PNLIPRP3: variants seen among roughly 807,000 people sequenced by gnomAD.
PNLIPRP3 encodes the protein pancreatic lipase related protein 3, also known as pancreatic lipase-related protein 3.
PNLIPRP3 carries 58 observed loss-of-function variants against 52.8 expected under a neutral mutation model. The observed-to-expected ratio is 1.10, with a 90% CI of 0.89 to 1.37. PNLIPRP3 has a LOEUF of 1.37. Among genes scored for constraint, PNLIPRP3 ranks in the 40% most tolerant of loss-of-function variants. The pLI is 0.00. For synonymous variants in PNLIPRP3, 192 were observed against 185.0 expected, an observed-to-expected ratio of 1.04 and a Z score of -0.31; for missense variants, 593 against 561.6, an observed-to-expected ratio of 1.06 and a Z score of -0.57.
chr10:116,477,019 G>A (rs1480678849), intron 11 of PNLIPRP3, 71 bp from the exon 12 acceptor site: 8 of 1,316,956 alleles, frequency 6.1e-6, no homozygotes, highest in Non-Finnish European at 8.5e-6. Flanking sequence ...TTAAATCGGG[G>A]GATCTACCGT....
rs569719835 is a variant in PNLIPRP3, at chr10:116,467,581, T to C, written c.927+1413T>C. 2.0e-5 allele frequency among the ~76,000 whole-genome samples: 3 copies of C among 152,218 alleles called. No homozygotes were observed. In the East Asian group the frequency reaches 5.8e-4, roughly 29 times the overall value. On this transcript the variant is annotated intron_variant, in intron 8 of 11. Transcript: ENST00000369230. ...GATTTTTAAAACATACAAATAAAAT[T>C]AAAGAAGCAAACGACCTTATATTCC...
intron 7 of PNLIPRP3, among the ~76,000 whole-genome samples, chr10:116,463,321 T>C (rs973354429): frequency 8.5e-5 from 13 of 152,100 alleles, no homozygotes; most frequent in African/African-American, 2.2e-4. Flanking sequence ...CTGCATCCAG[T>C]TGGGGGCTGA....
intron 2 of PNLIPRP3, 39 bp from the exon 3 acceptor site, chr10:116,443,016 A>T: frequency 7.0e-7 from 1 of 1,429,028 alleles, no homozygotes; most frequent in African/African-American, 1.4e-5. Flanking sequence ...AATAATTTTT[A>T]ATTATTATTT....
chr10:116,427,934 C>G lies in PNLIPRP3; in HGVS notation c.-79C>G, dbSNP rs975272051. ...AGTTGCATCATTGTGAGGAAAACCA[C>G]TTAGTATTTTATAGTGAGGTGACTT... is the stretch of plus-strand genomic sequence containing the variant. On this transcript the variant is annotated 5_prime_UTR_variant, in exon 1 of 12. Transcript: ENST00000369230. The G allele has an allele frequency of 8.3e-6, 9 of 1,081,456 alleles. No individual in the cohort carries two copies. The highest frequency in any genetic ancestry group is 1.3e-5 in the Non-Finnish European group (9 of 704,736). The allele number at this position is 1,081,456 out of a possible 1,614,324, so 67.0% of individuals were successfully genotyped here. A position where few individuals can be genotyped will look rare whatever the true frequency, so the allele number is the denominator to read the frequency against.
chr10:116,470,039 A>T (rs1846342286), intron 9 of PNLIPRP3, among the ~76,000 whole-genome samples: 1 of 151,750 alleles, frequency 6.6e-6, no homozygotes, highest in Non-Finnish European at 1.5e-5. Flanking sequence ...AAATGGACCT[A>T]GGTGAATGGA....
intron 1 of PNLIPRP3, among the ~76,000 whole-genome samples, chr10:116,432,515 T>TAATAAA (rs1265642677): frequency 6.6e-6 from 1 of 152,088 alleles, no homozygotes; most frequent in Non-Finnish European, 1.5e-5. Context: ...AGCATTTAAG[T>TAATAAA]AATAAAAATA....
Position 116,427,899 on chromosome 10 carries a change from T to C in PNLIPRP3, c.-114T>C, listed in dbSNP as rs1388863435. ...TAACATGTTCTTTTAAACGTAGAGT[T>C]TAAACATTGAGTTGCATCATTGTGA... On this transcript the variant is annotated 5_prime_UTR_variant, in exon 1 of 12. Transcript: ENST00000369230. 3.8e-6 allele frequency: 3 copies of C among 791,526 alleles called. No individual in the cohort carries two copies. The East Asian group carries it at 7.6e-5, about 20-fold the overall frequency. 49.0% of individuals were successfully genotyped at this position (791,526 alleles called of 1,614,324 possible). A position where few individuals can be genotyped will look rare whatever the true frequency, so the allele number is the denominator to read the frequency against.
intron 1 of PNLIPRP3, among the ~76,000 whole-genome samples, chr10:116,428,896 G>T (rs990507032): frequency 1.3e-5 from 2 of 152,068 alleles, no homozygotes; most frequent in African/African-American, 2.4e-5. Flanking sequence ...TTCAACCACC[G>T]GTTTGAATTC....
rs757017289 is a variant in PNLIPRP3, at chr10:116,466,094, T to C, written c.853T>C (p.Phe285Leu). ...FDCNHARSYQ[F>L]YAESILNPDA... Reference sequence around the variant, plus strand: ...CTGTAACCATGCCCGAAGTTATCAATTTTATGCTGAAAGCATTCTTAATCC... The same window carrying C: ...CTGTAACCATGCCCGAAGTTATCAACTTTATGCTGAAAGCATTCTTAATCC... The change falls in exon 8 of 12, where the codon TTT becomes CTT. Residue 285 changes from phenylalanine to leucine, a missense_variant. Physicochemically the swap from Phe to Leu is conservative, Grantham distance 22. Coordinates refer to ENST00000369230, the MANE Select transcript of PNLIPRP3 (RefSeq NM_001011709.3). 3.7e-6 allele frequency: 6 copies of C among 1,613,924 alleles called. No individual in the cohort carries two copies. In the South Asian group the frequency reaches 6.6e-5, roughly 18 times the overall value.
chr10:116,461,178 C>G lies in PNLIPRP3; in HGVS notation c.696C>G (p.Thr232=). ...ARILFELGVG[T]IDACGHLDFY... ...TTTTATTTATTTCAGGTGTTGGAAC[C>G]ATTGATGCTTGTGGTCATCTTGACT... The change falls in exon 7 of 12, where the codon ACC becomes ACG. Residue 232 remains threonine (T), a synonymous_variant. Transcript: ENST00000369230. 1 of 1,614,142 alleles carries G rather than the reference C, an allele frequency of 6.2e-7. No homozygotes were observed. The highest frequency in any genetic ancestry group is 8.5e-7 in the Non-Finnish European group (1 of 1,180,022).
intron 2 of PNLIPRP3, among the ~76,000 whole-genome samples, chr10:116,438,062 A>G (rs1845802896): frequency 6.6e-6 from 1 of 152,186 alleles, no homozygotes; most frequent in South Asian, 2.1e-4. Context: ...AATGATTGGG[A>G]AAATGATAAC....
At chr10:116,463,612 C>A (rs1846231745) in intron 7 of PNLIPRP3, among the ~76,000 whole-genome samples, 1 of 152,198 alleles carries the variant, frequency 6.6e-6, no homozygotes. Context: ...TGTAATGGGG[C>A]AGGGGTATTT....
At position 116,461,090 on chromosome 10, in the gene PNLIPRP3, G is replaced by A. The variant is rs1430643348; in HGVS notation, c.685+5G>A. The stretch of plus-strand genomic sequence containing the variant: ...CTCGCATCCTCTTTGAGCTTGGTAA[G>A]TTTTAACAGAATCAGAAACTTCATT... On this transcript the variant is annotated splice_donor_5th_base_variant and intron_variant, in intron 6 of 11. Coordinates refer to ENST00000369230, the MANE Select transcript of PNLIPRP3 (RefSeq NM_001011709.3). 6.2e-7 allele frequency: 1 copy of A among 1,614,118 alleles called. No homozygotes were observed. Among genetic ancestry groups the A allele is most frequent in the Non-Finnish European group, 8.5e-7 (1 of 1,180,016 alleles).
At position 116,434,337 on chromosome 10, in the gene PNLIPRP3, C is replaced by T. The variant is rs1403338436; in HGVS notation, c.50-2374C>T. On this transcript the variant is annotated intron_variant, in intron 1 of 11. Coordinates refer to ENST00000369230, the MANE Select transcript of PNLIPRP3 (RefSeq NM_001011709.3). ...TCCATTACAGATATTATTACAAATTCTCTATAAACATTTTTAATGGCTGCA... is the reference window on the plus strand; with the variant it reads ...TCCATTACAGATATTATTACAAATTTTCTATAAACATTTTTAATGGCTGCA... 2.6e-5 allele frequency among the ~76,000 whole-genome samples: 4 copies of T among 152,192 alleles called. No individual in the cohort carries two copies. The East Asian group carries it at 7.7e-4, about 29-fold the overall frequency.
At chr10:116,464,432 A>G (rs1437721376) in intron 7 of PNLIPRP3, among the ~76,000 whole-genome samples, 2 of 152,096 alleles carry the variant, frequency 1.3e-5, no homozygotes, top group Non-Finnish European at 2.9e-5. Flanking sequence ...TGGGCTCACC[A>G]CTGGACTTAT....
intron 4 of PNLIPRP3, among the ~76,000 whole-genome samples, chr10:116,445,525 G>C (rs1432764252): frequency 6.8e-6 from 1 of 147,866 alleles, no homozygotes; most frequent in African/African-American, 2.5e-5. Context: ...TCTTTGAAAG[G>C]ATGAAATCAG....
chr10:116,428,200 G>T, intron 1 of PNLIPRP3, 139 bp downstream of exon 1: 3 of 619,030 alleles, frequency 4.8e-6, no homozygotes, highest in Non-Finnish European at 8.3e-6. Flanking sequence ...TTATGAATAT[G>T]TTTAAAATAT....
Position 116,466,148 on chromosome 10 carries a change from T to C in PNLIPRP3, c.907T>C (p.Ser303Pro). The change falls in exon 8 of 12, where the codon TCC becomes CCC. Residue 303 changes from serine (S) to proline (P), a missense_variant. Ser to Pro is a moderately conservative substitution (Grantham distance 74). Coordinates refer to ENST00000369230, the MANE Select transcript of PNLIPRP3 (RefSeq NM_001011709.3). ...TGCATTTATTGCTTATCCTTGTAGATCCTACACATCTTTTAAAGCAGTAAG... is the reference window on the plus strand; with the variant it reads ...TGCATTTATTGCTTATCCTTGTAGACCCTACACATCTTTTAAAGCAGTAAG... The part of the protein sequence containing the change: ...PDAFIAYPCR[S>P]YTSFKAGNCF... 6.2e-7 allele frequency: 1 copy of C among 1,604,122 alleles called. No individual in the cohort carries two copies. Among genetic ancestry groups the C allele is most frequent in the Non-Finnish European group, 8.5e-7 (1 of 1,173,024 alleles).
intron 4 of PNLIPRP3, among the ~76,000 whole-genome samples, chr10:116,448,207 T>A (rs1845983861): frequency 6.6e-6 from 1 of 152,046 alleles, no homozygotes; most frequent in Admixed American, 6.6e-5. Context: ...GTATTAAGAA[T>A]AACTATAACT....
Sources: allele counts gnomAD v4.1 joint callset (sites outside exome capture counted in the v4.1 genomes callset), GRCh38; gene constraint gnomAD v4.1.1; transcripts MANE v1.5; gene names NCBI Gene and HGNC (gene_info 2026-07-23, HGNC 2026-07-21).